MXI1: variants seen among roughly 807,000 people sequenced by gnomAD.
MXI1 encodes the protein MAX interactor 1, dimerization protein, also known as max-interacting protein 1.
In MXI1, 18 loss-of-function variants were observed where a neutral mutation model predicts 36.9. That is an observed-to-expected ratio of 0.49 (90% CI 0.34 to 0.72). The LOEUF (loss-of-function observed/expected upper bound fraction) is 0.72, where lower values mean the gene tolerates loss of function less well. MXI1 is among the 30% of genes least tolerant of loss of function. The pLI is 0.01. For synonymous variants in MXI1, 160 were observed against 146.7 expected (o/e 1.09, Z -0.65); for missense variants, 304 against 379.1 (o/e 0.80, Z 1.64).
chr10:110,227,833 T>A, intron 1 of MXI1: 1 of 263,114 alleles, frequency 3.8e-6, no homozygotes, highest in Non-Finnish European at 7.6e-6. Flanking sequence ...ACAGAGAGAG[T>A]TGAAAGTAAA....
At chr10:110,244,236 A>C (rs1053679928) in intron 2 of MXI1, among the ~76,000 whole-genome samples, 8 of 152,088 alleles carry the variant, frequency 5.3e-5, no homozygotes, top group African/African-American at 1.9e-4. Flanking sequence ...CAGTCTTGTA[A>C]AACACGTTTC....
At chr10:110,234,358 T>G (rs1341359556) in intron 2 of MXI1, among the ~76,000 whole-genome samples, 1 of 152,196 alleles carries the variant, frequency 6.6e-6, no homozygotes, top group Admixed American at 6.5e-5. Context: ...TTAGTGTGAT[T>G]GTATAGTGCT....
intron 2 of MXI1, among the ~76,000 whole-genome samples, chr10:110,244,213 ATTTC>A (rs1855775953): frequency 6.6e-6 from 1 of 152,094 alleles, no homozygotes; most frequent in African/African-American, 2.4e-5. Context: ...CATTGCTAAC[ATTTC>A]GAGTTATCCA....
At chr10:110,251,010 TAAAAAA>T (rs60315131) in intron 3 of MXI1, among the ~76,000 whole-genome samples, 9 of 54,972 alleles carry the variant, frequency 1.6e-4, no homozygotes, top group East Asian at 4.7e-4. Flanking sequence ...AAGTATTTGT[TAAAAAA>T]AAAAAAAAAA....
intron 1 of MXI1, among the ~76,000 whole-genome samples, chr10:110,209,825 C>T (rs536997781): frequency 1.9e-4 from 29 of 152,126 alleles, no homozygotes; most frequent in Non-Finnish European, 1.5e-4. Context: ...TCCCCGGCTA[C>T]CAGTTCTCTG....
At chr10:110,223,787 G>A (rs1310826133) in intron 1 of MXI1, among the ~76,000 whole-genome samples, 1 of 148,540 alleles carries the variant, frequency 6.7e-6, no homozygotes, top group Non-Finnish European at 1.5e-5. Context: ...ACCTAGTCAA[G>A]AGCTAAAAGA....
intron 1 of MXI1, chr10:110,226,119 C>T: frequency 8.1e-7 from 1 of 1,238,884 alleles, no homozygotes; most frequent in South Asian, 2.5e-5. Flanking sequence ...CGCACATGTT[C>T]CGGAACGGCG....
At chr10:110,244,503 A>ATTT (rs1855788446) in intron 2 of MXI1, among the ~76,000 whole-genome samples, 1 of 151,072 alleles carries the variant, frequency 6.6e-6, no homozygotes, top group East Asian at 1.9e-4. Context: ...GATTATGTTT[A>ATTT]AAATTTCTTA....
In MXI1 at chr10:110,253,245, C is replaced by T. The variant is rs1012986658; in HGVS notation, c.437+8388C>T. Among the ~76,000 whole-genome samples the T allele has an allele frequency of 2.2e-4, 33 of 152,078 alleles. 1 individual carries two copies. Among genetic ancestry groups the T allele is most frequent in the African/African-American group, 7.5e-4 (31 of 41,494 alleles). On this transcript the variant is annotated intron_variant, in intron 3 of 5. Transcript: ENST00000332674. ...TCTGTTTATTCCAATTGTTTGGACA[C>T]GATAATGAATGCATTTTTTTTTCTA...
intron 3 of MXI1, among the ~76,000 whole-genome samples, chr10:110,254,538 G>A (rs1428607520): frequency 6.6e-6 from 1 of 152,158 alleles, no homozygotes; most frequent in African/African-American, 2.4e-5. Context: ...GCTTAGTGAG[G>A]AAGGCATGTC....
At chr10:110,209,912 C>T (rs558593277) in intron 1 of MXI1, among the ~76,000 whole-genome samples, 87 of 151,994 alleles carry the variant, frequency 5.7e-4, no homozygotes, top group Admixed American at 8.5e-4. Context: ...GCAAACCTGG[C>T]TTGCCCCCCT....
Position 110,216,665 on chromosome 10 carries a change from G to GTTTTTTGTTTTGTTTTGTTTTGTTTTT in MXI1, c.274+8589_274+8590insGTTTTGTTTTGTTTTGTTTTTTTTTTT, listed in dbSNP as rs1554853670. ...CCTGTCTCCCCTATCTGTGTTTAAT[G>GTTTTTTGTTTTGTTTTGTTTTGTTTTT]TTTTTTTTTTTTTTTTTTTTGGAGA... On this transcript the variant is annotated intron_variant, in intron 1 of 5. Coordinates refer to ENST00000332674, the MANE Select transcript of MXI1 (RefSeq NM_130439.3). 8.9e-5 allele frequency among the ~76,000 whole-genome samples: 7 copies of GTTTTTTGTTTTGTTTTGTTTTGTTTTT among 79,060 alleles called. 1 individual carries two copies. Among genetic ancestry groups the GTTTTTTGTTTTGTTTTGTTTTGTTTTT allele is most frequent in the South Asian group, 1.0e-3 (2 of 2,004 alleles). The allele number at this position is 79,060 out of a possible 152,430, so 51.9% of individuals were successfully genotyped here.
chr10:110,228,126 G>C, intron 1 of MXI1, 63 bp from the exon 2 acceptor site: 4 of 1,576,046 alleles, frequency 2.5e-6, no homozygotes, highest in Non-Finnish European at 2.6e-6. Context: ...CCTCGGATTT[G>C]TGGGTCAATG....
At chr10:110,242,221 A>G (rs1401424859) in intron 2 of MXI1, among the ~76,000 whole-genome samples, 6 of 151,972 alleles carry the variant, frequency 3.9e-5, no homozygotes, top group Non-Finnish European at 7.4e-5. Context: ...TTTGGAAGTA[A>G]ACTGTCTCTT....
chr10:110,253,964 CT>C (rs543746154), intron 3 of MXI1, among the ~76,000 whole-genome samples: 175 of 151,918 alleles, frequency 1.2e-3, no homozygotes, highest in Non-Finnish European at 1.8e-3. Context: ...ATGACTTATA[CT>C]CAACATTGTA....
chr10:110,214,395 A>C (rs1392111778), intron 1 of MXI1, among the ~76,000 whole-genome samples: 1 of 151,796 alleles, frequency 6.6e-6, no homozygotes, highest in Non-Finnish European at 1.5e-5. Flanking sequence ...ACTCAAGTTT[A>C]GGGCTCCTAG....
chr10:110,214,845 T>C (rs1365918688), intron 1 of MXI1, among the ~76,000 whole-genome samples: 1 of 71,702 alleles, frequency 1.4e-5, no homozygotes, highest in Non-Finnish European at 2.5e-5. Context: ...GCTTTTGAGT[T>C]TTTTTTTTTT....
intron 2 of MXI1, among the ~76,000 whole-genome samples, chr10:110,232,534 A>G (rs1855312371): frequency 6.6e-6 from 1 of 152,106 alleles, no homozygotes; most frequent in African/African-American, 2.4e-5. Flanking sequence ...ACAGTTATCC[A>G]GTTGTTTCTT....
intron 3 of MXI1, among the ~76,000 whole-genome samples, chr10:110,276,960 C>T (rs1231155589): frequency 6.6e-6 from 1 of 151,956 alleles, no homozygotes; most frequent in Non-Finnish European, 1.5e-5. Context: ...ATTGTTGTGC[C>T]TCAGCCTCCC....
Sources: gnomAD v4.1 joint callset for allele counts (sites outside exome capture counted in the v4.1 genomes callset) on GRCh38, gnomAD v4.1.1 for gene constraint, MANE v1.5 for transcripts, NCBI Gene and HGNC (gene_info 2026-07-23, HGNC 2026-07-21) for gene names.